The following GNAQ variants were observed in gnomAD, a reference collection of about 807,000 sequenced individuals.
GNAQ encodes guanine nucleotide-binding protein G(q) subunit alpha.
In GNAQ, 8 loss-of-function variants were observed where a neutral mutation model predicts 43.9. That is an observed-to-expected ratio of 0.18 (90% CI 0.11 to 0.33). The LOEUF (loss-of-function observed/expected upper bound fraction) is 0.33. Among genes scored for constraint, GNAQ ranks in the 10% least tolerant of loss-of-function variants. The pLI, the probability that GNAQ is intolerant of heterozygous loss-of-function variation, is 1.00. For missense variants in GNAQ, 158 were observed against 450.8 expected (o/e 0.35, Z 5.88); for synonymous variants, 155 against 170.7 (o/e 0.91, Z 0.71).
chr9:77,872,757 G>A (rs1402776682), intron 2 of GNAQ, among the ~76,000 whole-genome samples: 4 of 152,130 alleles, frequency 2.6e-5, no homozygotes, highest in African/African-American at 7.2e-5. Flanking sequence ...TCCTGTTTCT[G>A]TATTTTTAAT....
At chr9:77,966,135 G>C (rs778142061) in intron 1 of GNAQ, among the ~76,000 whole-genome samples, 15 of 152,120 alleles carry the variant, frequency 9.9e-5, no homozygotes, top group Non-Finnish European at 1.2e-4. Flanking sequence ...TAAGTCTGCA[G>C]TGACAGGAAT....
At chr9:77,739,138 G>A (rs770007412) in intron 5 of GNAQ, among the ~76,000 whole-genome samples, 10 of 152,080 alleles carry the variant, frequency 6.6e-5, no homozygotes, top group Non-Finnish European at 1.3e-4. Context: ...GAACTTACTC[G>A]TTTGATTGTT....
chr9:77,918,063 C>A (rs577546640), intron 2 of GNAQ, among the ~76,000 whole-genome samples: 129 of 152,250 alleles, frequency 8.5e-4, no homozygotes, highest in African/African-American at 2.8e-3. Flanking sequence ...TCGGTTCAAG[C>A]AATAACAAGT....
chr9:77,995,066 T>C (rs1431606992), intron 1 of GNAQ, among the ~76,000 whole-genome samples: 2 of 152,228 alleles, frequency 1.3e-5, no homozygotes. Context: ...TATTACCCTA[T>C]TACAGTGTTC....
At chr9:77,785,027 T>C (rs2118414668) in intron 5 of GNAQ, among the ~76,000 whole-genome samples, 2 of 152,324 alleles carry the variant, frequency 1.3e-5, no homozygotes, top group Middle Eastern at 6.8e-3. Flanking sequence ...TTTGGCAGTG[T>C]CATTGGGCTG....
chr9:77,963,577 T>G (rs1161403111), intron 1 of GNAQ, among the ~76,000 whole-genome samples: 3 of 151,874 alleles, frequency 2.0e-5, no homozygotes, highest in African/African-American at 7.3e-5. Flanking sequence ...TACGAAGAGG[T>G]GGAAGTCAAA....
intron 1 of GNAQ, among the ~76,000 whole-genome samples, chr9:77,967,577 A>G (rs139997750): frequency 1.1e-3 from 173 of 152,290 alleles, no homozygotes; most frequent in African/African-American, 3.9e-3. Context: ...AAAATGCCAC[A>G]TATGATTCCA....
chr9:77,927,842 C>T (rs1211325951), intron 1 of GNAQ, among the ~76,000 whole-genome samples: 3 of 152,042 alleles, frequency 2.0e-5, no homozygotes, highest in Non-Finnish European at 4.4e-5. Flanking sequence ...ACGAATGCCC[C>T]CACCCCACTC....
At chr9:77,732,815 T>C (rs1219009242) in intron 5 of GNAQ, among the ~76,000 whole-genome samples, 1 of 152,038 alleles carries the variant, frequency 6.6e-6, no homozygotes, top group Non-Finnish European at 1.5e-5. Flanking sequence ...TCCCTCTCAA[T>C]GAAGGGTGGC....
chr9:77,900,198 G>A (rs993451693), intron 2 of GNAQ, among the ~76,000 whole-genome samples: 7 of 152,204 alleles, frequency 4.6e-5, no homozygotes, highest in South Asian at 4.1e-4. Flanking sequence ...TGTGGTATAC[G>A]TCTAAGTTTC....
intron 1 of GNAQ, among the ~76,000 whole-genome samples, chr9:77,979,849 C>A (rs1432472252): frequency 6.6e-6 from 1 of 152,136 alleles, no homozygotes; most frequent in African/African-American, 2.4e-5. Context: ...ATCTTGGCTA[C>A]CTGATTTTGG....
intron 1 of GNAQ, among the ~76,000 whole-genome samples, chr9:77,983,411 G>A (rs929920843): frequency 2.0e-5 from 3 of 152,186 alleles, no homozygotes; most frequent in African/African-American, 7.2e-5. Flanking sequence ...GGTAGCCTCA[G>A]TACCTCACCA....
In GNAQ at chr9:77,725,325, T is replaced by C. The variant is rs549113190; in HGVS notation, c.889+3189A>G. Among the ~76,000 whole-genome samples the C allele has an allele frequency of 2.0e-5, 3 of 152,166 alleles. No homozygotes were observed. The East Asian group carries it at 5.8e-4, about 29-fold the overall frequency. On this transcript the variant is annotated intron_variant, in intron 6 of 6. Transcript: ENST00000286548. ...CTTGAAGAGAAATACAGAAATGGCA[T>C]TCATTATGATTAAGACCTTGTAAGT...
chr9:77,819,696 A>G (rs1428228301), intron 2 of GNAQ, among the ~76,000 whole-genome samples: 1 of 151,894 alleles, frequency 6.6e-6, no homozygotes, highest in Non-Finnish European at 1.5e-5. Flanking sequence ...TGCAGCACAC[A>G]TCTTCCTACT....
chr9:77,963,617 G>C (rs538579039), intron 1 of GNAQ, among the ~76,000 whole-genome samples: 1 of 152,268 alleles, frequency 6.6e-6, no homozygotes, highest in East Asian at 1.9e-4. Context: ...CAAGAGCAAA[G>C]GTCATGACAA....
At chr9:77,883,197 T>G (rs1828243061) in intron 2 of GNAQ, among the ~76,000 whole-genome samples, 2 of 152,190 alleles carry the variant, frequency 1.3e-5, no homozygotes, top group Admixed American at 6.5e-5. Context: ...TCTCCATTTC[T>G]CTCTATAAAT....
At chr9:78,006,342 A>G (rs1019528708) in intron 1 of GNAQ, among the ~76,000 whole-genome samples, 2 of 152,204 alleles carry the variant, frequency 1.3e-5, no homozygotes, top group Non-Finnish European at 2.9e-5. Context: ...CCCCTGCCCC[A>G]TAAGATCTCA....
intron 1 of GNAQ, among the ~76,000 whole-genome samples, chr9:77,952,099 G>C (rs1425003957): frequency 1.3e-5 from 2 of 152,130 alleles, no homozygotes; most frequent in African/African-American, 4.8e-5. Context: ...ACATTTCCTG[G>C]GAAGCCTGAA....
intron 3 of GNAQ, among the ~76,000 whole-genome samples, chr9:77,815,078 T>C (rs1826990801): frequency 6.6e-6 from 1 of 152,118 alleles, no homozygotes; most frequent in Non-Finnish European, 1.5e-5. Context: ...TCACATGAAA[T>C]TTTCACGCAA....
Sources: gnomAD v4.1 joint callset for allele counts (sites outside exome capture counted in the v4.1 genomes callset) on GRCh38, gnomAD v4.1.1 for gene constraint, MANE v1.5 for transcripts, NCBI Gene and HGNC (gene_info 2026-07-23, HGNC 2026-07-21) for gene names.